The following ZNF777 variants were observed in gnomAD, a reference collection of about 807,000 sequenced individuals.
ZNF777 encodes zinc finger protein 777.
ZNF777 carries 7 observed loss-of-function variants against 72.1 expected under a neutral mutation model. The observed-to-expected ratio is 0.10, with a 90% CI of 0.06 to 0.18. The LOEUF (loss-of-function observed/expected upper bound fraction) is 0.18, where lower values mean the gene tolerates loss of function less well. Among genes scored for constraint, ZNF777 ranks in the 10% least tolerant of loss-of-function variants. ZNF777 has a pLI of 1.00. For synonymous variants in ZNF777, 545 were observed against 483.5 expected (o/e 1.13, Z -1.67); for missense variants, 828 against 1,128.6 (o/e 0.73, Z 3.82).
rs941890849 is a variant in ZNF777, at chr7:149,459,599, G to A, written c.-16+1216C>T. The A allele has an allele frequency of 3.8e-5, 37 of 978,400 alleles. No homozygotes were observed. The Admixed American group carries it at 2.0e-3, about 54-fold the overall frequency. The allele number at this position is 978,400 out of a possible 1,614,324, so 60.6% of individuals were successfully genotyped here. ...CCAGAGCCACCCCCTCCCCGTCCAGGCCCGCAGCCCTCTGGGCAGGCCTTT... is the reference window on the plus strand; with the variant it reads ...CCAGAGCCACCCCCTCCCCGTCCAGACCCGCAGCCCTCTGGGCAGGCCTTT... On this transcript the variant is annotated intron_variant, in intron 1 of 5. Coordinates refer to ENST00000247930, the MANE Select transcript of ZNF777 (RefSeq NM_015694.3).
chr7:149,453,902 G>A (rs928600866), intron 3 of ZNF777, among the ~76,000 whole-genome samples: 2 of 152,224 alleles, frequency 1.3e-5, no homozygotes, highest in African/African-American at 4.8e-5. Flanking sequence ...TCTGAGAGTG[G>A]GGTCTCAATT....
intron 1 of ZNF777, among the ~76,000 whole-genome samples, chr7:149,458,367 C>G (rs1361507665): frequency 6.6e-6 from 1 of 152,156 alleles, no homozygotes. Flanking sequence ...CCTAACGCAA[C>G]ACAATAGGCA....
Position 149,460,804 on chromosome 7 carries a change from C to G in ZNF777, c.-16+11G>C, listed in dbSNP as rs1183926456. 2 of 152,152 alleles carry G rather than the reference C, an allele frequency of 1.3e-5. No individual in the cohort carries two copies. Among genetic ancestry groups the G allele is most frequent in the Admixed American group, 6.5e-5 (1 of 15,278 alleles). The allele number at this position is 152,152 out of a possible 1,614,324, so 9.4% of individuals were successfully genotyped here. A position where few individuals can be genotyped will look rare whatever the true frequency, so the allele number is the denominator to read the frequency against. ...GGGCCTCCCACCCTCCAGGACCCTC[C>G]GGCCTCTCACCTGGGGTCCTCGCCT... On this transcript the variant is annotated intron_variant, in intron 1 of 5. Coordinates refer to ENST00000247930, the MANE Select transcript of ZNF777 (RefSeq NM_015694.3). This position sits in a 1 kb window ranked among gnomAD's most constrained non-coding sequence, Gnocchi z 6.1.
At chr7:149,447,449 C>A (rs541836855) in intron 4 of ZNF777, among the ~76,000 whole-genome samples, 48 of 152,258 alleles carry the variant, frequency 3.2e-4, no homozygotes, top group Non-Finnish European at 6.2e-4. Context: ...CAAATCTGAA[C>A]CTTACATTAC....
chr7:149,434,363 G>A (rs1051218118), intron 5 of ZNF777, among the ~76,000 whole-genome samples: 1 of 152,128 alleles, frequency 6.6e-6, no homozygotes, highest in Non-Finnish European at 1.5e-5. Flanking sequence ...CTGAGTCAAG[G>A]CTGCCTCAGT....
In ZNF777 at chr7:149,432,826, A is replaced by G. The variant is rs755733490; in HGVS notation, c.1446T>C (p.Tyr482=). 5.0e-6 allele frequency: 8 copies of G among 1,599,866 alleles called. No individual in the cohort carries two copies. Among genetic ancestry groups the G allele is most frequent in the South Asian group, 2.2e-5 (2 of 89,820 alleles). Residue 482 remains tyrosine (Y), a synonymous_variant, in exon 6 of 6, where the codon TAT becomes TAC. Coordinates refer to ENST00000247930, the MANE Select transcript of ZNF777 (RefSeq NM_015694.3). Reference sequence around the variant, plus strand: ...GCGGGGTCTGGTACATACTGGCCTCATATCTCCCGGACAGCTGCCCAAGGG... The same window carrying G: ...GCGGGGTCTGGTACATACTGGCCTCGTATCTCCCGGACAGCTGCCCAAGGG... ...LQSLGQLSGR[Y]EASMYQTPLP...
Position 149,455,414 on chromosome 7 carries a change from G to C in ZNF777, c.609C>G (p.Ala203=). The change falls in exon 2 of 6, where the codon GCC becomes GCG. Residue 203 remains alanine (A), a synonymous_variant. Transcript: ENST00000247930. The surrounding 1 kb of genome is among the most constrained non-coding windows in gnomAD (Gnocchi z 4.2). ...TGCCTTCCAGGGTCAGTAGCCTCATGGCCTGGGCCTCCAGCTTCCTCTCCA... is the reference window on the plus strand; with the variant it reads ...TGCCTTCCAGGGTCAGTAGCCTCATCGCCTGGGCCTCCAGCTTCCTCTCCA... The part of the protein sequence containing the change: ...QAVERKLEAQ[A]MRLLTLEGRT... 1 of 1,614,198 alleles carries C rather than the reference G, an allele frequency of 6.2e-7. No homozygotes were observed. The highest frequency in any genetic ancestry group is 8.5e-7 in the Non-Finnish European group (1 of 1,180,044).
At chr7:149,440,881 C>T (rs138095052) in intron 4 of ZNF777, among the ~76,000 whole-genome samples, 183 of 152,132 alleles carry the variant, frequency 1.2e-3, no homozygotes, top group Middle Eastern at 6.8e-3. Flanking sequence ...AGCTTGAAGA[C>T]GAGTGCCTTC....
rs1799817318 is a variant in ZNF777, at chr7:149,455,812, T to A, written c.211A>T (p.Met71Leu). 4 of 1,612,634 alleles carry A rather than the reference T, an allele frequency of 2.5e-6. No individual in the cohort carries two copies. In the Admixed American group the frequency reaches 5.0e-5, roughly 20 times the overall value. The change falls in exon 2 of 6, where the codon ATG (methionine) becomes TTG (leucine). Residue 71 changes from methionine (M) to leucine (L), a missense_variant. Met to Leu is a conservative substitution (Grantham distance 15). Around this residue, in one of 12 missense-constraint regions of ZNF777, gnomAD observed 222 missense variants for 211.2 expected, o/e 1.05. Transcript: ENST00000247930. The surrounding 1 kb of genome is among the most constrained non-coding windows in gnomAD (Gnocchi z 4.2). ...GGTCCCTTCTGGAGCACATGTGGCATCCGGCCAGAAGTCTCTTGCTTGGGA... is the reference window on the plus strand; with the variant it reads ...GGTCCCTTCTGGAGCACATGTGGCAACCGGCCAGAAGTCTCTTGCTTGGGA... Reference protein sequence around the residue: ...SAPKQETSGRMPHVLQKGPSL... With the variant: ...SAPKQETSGRLPHVLQKGPSL...
At chr7:149,433,007 A>G (rs1233715186) in intron 5 of ZNF777, 75 bp from the exon 6 acceptor site, 1 of 1,442,476 alleles carries the variant, frequency 6.9e-7, no homozygotes, top group East Asian at 2.5e-5. Context: ...GAGGTACAGC[A>G]CTGCTTCACC....
intron 5 of ZNF777, among the ~76,000 whole-genome samples, chr7:149,433,779 G>GC (rs574696825): frequency 4.8e-4 from 73 of 152,340 alleles, no homozygotes; most frequent in African/African-American, 1.6e-3. Context: ...ACCCGGGGAT[G>GC]CCCCCTCAAC....
chr7:149,447,491 TG>T (rs1409334800), intron 4 of ZNF777, among the ~76,000 whole-genome samples: 1 of 152,182 alleles, frequency 6.6e-6, no homozygotes, highest in African/African-American at 2.4e-5. Flanking sequence ...GCCAGAGGCC[TG>T]GGGGCCACCC....
chr7:149,446,419 T>C (rs916867085), intron 4 of ZNF777, among the ~76,000 whole-genome samples: 2 of 152,154 alleles, frequency 1.3e-5, no homozygotes, highest in Non-Finnish European at 2.9e-5. Flanking sequence ...TAAATACATG[T>C]TCAATCTGCC....
At chr7:149,438,433 T>G (rs545992210) in intron 4 of ZNF777, among the ~76,000 whole-genome samples, 1 of 152,340 alleles carries the variant, frequency 6.6e-6, no homozygotes, top group South Asian at 2.1e-4. Context: ...TTTGCTATGG[T>G]GAACAAATGT....
chr7:149,454,080 C>A (rs1165322191), intron 3 of ZNF777, 31 bp downstream of exon 3: 2 of 1,613,058 alleles, frequency 1.2e-6, no homozygotes, highest in Non-Finnish European at 1.7e-6. Context: ...GGCGTCCAGG[C>A]AGCCCCCAGC....
Position 149,432,618 on chromosome 7 carries a change from C to T in ZNF777, c.1654G>A (p.Gly552Ser). Residue 552 changes from glycine (G) to serine (S), a missense_variant, in exon 6 of 6, where the codon GGC becomes AGC. This residue lies in a region of ZNF777 where 22 missense variants were observed against 48.3 expected (regional missense o/e 0.46). Coordinates refer to ENST00000247930, the MANE Select transcript of ZNF777 (RefSeq NM_015694.3). ...TTGATCTTCAGGCGGAAGCTCTTGC[C>T]GCACTCCATGCATGTGAAGGGCCGC... ...GERPFTCMEC[G>S]KSFRLKINLI... 2 of 1,613,810 alleles carry T rather than the reference C, an allele frequency of 1.2e-6. No individual in the cohort carries two copies. The highest frequency in any genetic ancestry group is 1.7e-6 in the Non-Finnish European group (2 of 1,179,824).
rs540467622 is a variant in ZNF777, at chr7:149,445,475, G to A, written c.1087+5524C>T. Among the ~76,000 whole-genome samples, 3 of 152,262 alleles carry A rather than the reference G, an allele frequency of 2.0e-5. No individual in the cohort carries two copies. In the South Asian group the frequency reaches 6.2e-4, roughly 32 times the overall value. ...GCCTGCTAACTATGGGACTCTGTTT[G>A]GCCCATAGGGTGCTTTGGCCAAGTC... is the stretch of plus-strand genomic sequence containing the variant. On this transcript the variant is annotated intron_variant, in intron 4 of 5. Transcript: ENST00000247930.
At chr7:149,435,675 C>T (rs1256079608) in intron 5 of ZNF777, among the ~76,000 whole-genome samples, 1 of 152,134 alleles carries the variant, frequency 6.6e-6, no homozygotes, top group Non-Finnish European at 1.5e-5. Flanking sequence ...GTGAATGACT[C>T]ACACATAAAC....
chr7:149,434,551 C>G (rs975296188), intron 5 of ZNF777, among the ~76,000 whole-genome samples: 2 of 152,136 alleles, frequency 1.3e-5, no homozygotes, highest in African/African-American at 4.8e-5. Context: ...ACTAAACTCT[C>G]CTTGAGCATC....
Sources: allele counts gnomAD v4.1 joint callset (sites outside exome capture counted in the v4.1 genomes callset), GRCh38; gene constraint gnomAD v4.1.1; regional missense constraint gnomAD v4.1.1; non-coding constraint Gnocchi (gnomAD v3.1); transcripts MANE v1.5; gene names NCBI Gene and HGNC (gene_info 2026-07-23, HGNC 2026-07-21).